PLEKHG5: variants seen among roughly 807,000 people sequenced by gnomAD.
PLEKHG5 encodes the protein pleckstrin homology and RhoGEF domain containing G5, also known as pleckstrin homology domain-containing family G member 5.
A neutral mutation model predicts 103.8 loss-of-function variants in PLEKHG5; 52 were observed. The ratio of observed to expected loss-of-function variants is 0.50; its 90% CI spans 0.40 to 0.63. PLEKHG5 has a LOEUF of 0.63. Among genes scored for constraint, PLEKHG5 ranks in the 30% least tolerant of loss-of-function variants. The probability of loss-of-function intolerance (pLI) is 0.00; values close to 1 mark genes in which losing one functional copy is unlikely to be tolerated. For missense variants in PLEKHG5, 1,205 were observed against 1,347.6 expected (o/e 0.89, Z 1.66); for synonymous variants, 592 against 575.5 (o/e 1.03, Z -0.41).
chr1:6,491,676 C>T (rs1645153264), upstream of PLEKHG5: 1 of 985,570 alleles, frequency 1.0e-6, no homozygotes, highest in Non-Finnish European at 1.2e-6. This position sits in a 1 kb window ranked among gnomAD's most constrained non-coding sequence, Gnocchi z 4.1. Context: ...TCAGGTCCAC[C>T]CTTTCCTCTC....
At chr1:6,483,963 C>A (rs1317310244) in intron 1 of PLEKHG5, among the ~76,000 whole-genome samples, 1 of 152,224 alleles carries the variant, frequency 6.6e-6, no homozygotes, top group Admixed American at 6.5e-5. Context: ...CCTGAGATTT[C>A]CTAGTGCCAG....
At chr1:6,514,593 T>C (rs1328978067) in intron 1 of PLEKHG5, among the ~76,000 whole-genome samples, 1 of 150,268 alleles carries the variant, frequency 6.7e-6, no homozygotes, top group Non-Finnish European at 1.5e-5. Context: ...AAACCTTGTC[T>C]CTACTAAAAA....
intron 1 of PLEKHG5, among the ~76,000 whole-genome samples, chr1:6,514,697 G>A (rs1638567422): frequency 6.6e-6 from 1 of 151,532 alleles, no homozygotes; most frequent in Non-Finnish European, 1.5e-5. Context: ...GGAGGCGGAG[G>A]TTGCAGCGAG....
At chr1:6,475,202 CCCCACCCTCCTT>C (rs1215491480) in intron 4 of PLEKHG5, 64 bp from the exon 5 acceptor site, 52 of 707,556 alleles carry the variant, frequency 7.3e-5, no homozygotes, top group East Asian at 2.3e-4. Context: ...CCGCCCTCCT[CCCCACCCTCCTT>C]CCCACCCTCC....
intron 1 of PLEKHG5, among the ~76,000 whole-genome samples, chr1:6,513,153 T>C (rs965431212): frequency 6.6e-6 from 1 of 152,220 alleles, no homozygotes; most frequent in Non-Finnish European, 1.5e-5. Context: ...CCTTAGAATC[T>C]AGACTCTATC....
rs1298912126 is a variant in PLEKHG5, at chr1:6,473,064, C to T, written c.906G>A (p.Glu302=). The T allele has an allele frequency of 1.2e-6, 2 of 1,613,804 alleles. No homozygotes were observed. Among genetic ancestry groups the T allele is most frequent in the African/African-American group, 1.3e-5 (1 of 74,940 alleles). The change falls in exon 9 of 21, where the codon GAG becomes GAA. Residue 302 remains glutamate (E), a synonymous_variant. Transcript: ENST00000377728. ...TGTCCTCATCCTCGTCTTCATCGTA[C>T]TCCTCCTCCCAGGAGTCATGGTCGA... The part of the protein sequence containing the change: ...LRFDHDSWEE[E]YDEDEDEDNA...
upstream of PLEKHG5, among the ~76,000 whole-genome samples, chr1:6,500,850 G>A (rs147922772): frequency 1.2e-3 from 188 of 152,274 alleles, no homozygotes; most frequent in South Asian, 1.7e-3. Context: ...AGGGAGACCA[G>A]GGCCCTTGGC....
At chr1:6,471,362 G>GCTT (rs1644579467) in intron 12 of PLEKHG5, 126 bp downstream of exon 12, 1 of 1,123,520 alleles carries the variant, frequency 8.9e-7, no homozygotes, top group Non-Finnish European at 1.3e-6. Flanking sequence ...TGGCCACAAG[G>GCTT]GGTCAAGTGC....
At chr1:6,489,194 C>A (rs977629750) in intron 1 of PLEKHG5, among the ~76,000 whole-genome samples, 1 of 152,156 alleles carries the variant, frequency 6.6e-6, no homozygotes, top group Non-Finnish European at 1.5e-5. Flanking sequence ...AAGGCCCCAC[C>A]CAACACCTTA....
intron 1 of PLEKHG5, among the ~76,000 whole-genome samples, chr1:6,503,574 A>AT (rs1645319545): frequency 6.6e-6 from 1 of 151,888 alleles, no homozygotes; most frequent in Admixed American, 6.5e-5. Flanking sequence ...TGCCTGGCTA[A>AT]TTTTTTGTAT....
rs1194608507 is a variant in PLEKHG5, at chr1:6,505,036, C to A, written c.-164-8467G>T. 6.6e-6 allele frequency among the ~76,000 whole-genome samples: 1 copy of A among 152,144 alleles called. No homozygotes were observed. Among genetic ancestry groups the A allele is most frequent in the Admixed American group, 6.5e-5 (1 of 15,278 alleles). ...GACTCATCCAGGACAGGCTCCTGCT[C>A]CCTGGGCTTGTGGCCTGGGGGAGGC... On this transcript the variant is annotated intron_variant, in intron 1 of 21. Coordinates refer to the PLEKHG5 transcript ENST00000377740. This position sits in a 1 kb window ranked among gnomAD's most constrained non-coding sequence, Gnocchi z 4.2.
Position 6,473,961 on chromosome 1 carries a change from C to T in PLEKHG5, c.591+52G>A, listed in dbSNP as rs58549010. ...CTGCCTCTGAGGAGGGGCTGTGGGC[C>T]CAGCCTGGGCCCCTTCCCACCCCCT... is the stretch of plus-strand genomic sequence containing the variant. On this transcript the variant is annotated intron_variant, in intron 7 of 20. Transcript: ENST00000377728. 0.013 allele frequency: 19,612 copies of T among 1,493,570 alleles called. 1,389 individuals carry two copies. The African/African-American group carries it at 0.18, about 14-fold the overall frequency. The allele number at this position is 1,493,570 out of a possible 1,614,324, so 92.5% of individuals were successfully genotyped here.
chr1:6,496,711 T>G, upstream of PLEKHG5: 1 of 596,476 alleles, frequency 1.7e-6, no homozygotes, highest in Non-Finnish European at 2.8e-6. Flanking sequence ...CTCTTTTAAA[T>G]GCCAACTTAT....
rs534044053 is a variant in PLEKHG5 at position 6,519,475 on chromosome 1, G to A, written c.-195C>T. On this transcript the variant is annotated 5_prime_UTR_variant, in exon 1 of 22. Transcript: ENST00000377740. ...CCTGAACAAAGGCTGAGCCAGCTTC[G>A]AGGTGGAGACCCATGTTTTGTCAGG... 3.5e-5 allele frequency: 57 copies of A among 1,613,862 alleles called. No homozygotes were observed. In the South Asian group the frequency reaches 3.8e-4, roughly 11 times the overall value.
chr1:6,477,852 A>G (rs947063051), intron 1 of PLEKHG5, among the ~76,000 whole-genome samples, 194 bp from the exon 2 acceptor site: 7 of 146,446 alleles, frequency 4.8e-5, no homozygotes, highest in Non-Finnish European at 7.5e-5. Flanking sequence ...CCACTGCCAC[A>G]CCAACACGTG....
upstream of PLEKHG5, among the ~76,000 whole-genome samples, chr1:6,501,115 G>A (rs1320359484): frequency 6.6e-6 from 1 of 152,158 alleles, no homozygotes; most frequent in African/African-American, 2.4e-5. The surrounding 1 kb of genome is among the most constrained non-coding windows in gnomAD (Gnocchi z 4.3). Context: ...GAGGAGCCCG[G>A]CAGCTCTGGA....
At chr1:6,515,675 TA>T (rs367899680) in intron 1 of PLEKHG5, among the ~76,000 whole-genome samples, 5,033 of 143,600 alleles carry the variant, frequency 0.035, 269 homozygotes, top group African/African-American at 0.11. Flanking sequence ...AAAATTAAAT[TA>T]AAAAAAAAAA....
rs1219393242 is a variant in PLEKHG5, at chr1:6,507,834, C to A, written c.-164-11265G>T. On this transcript the variant is annotated intron_variant, in intron 1 of 21. Coordinates refer to the PLEKHG5 transcript ENST00000377740. ...TTGGCCTTCATCACTGGCACCCACA[C>A]GACCTGGGCCTGAGCCCACAGGAGC... Among the ~76,000 whole-genome samples the A allele has an allele frequency of 9.2e-5, 14 of 152,234 alleles. No homozygotes were observed. In the East Asian group the frequency reaches 2.7e-3, roughly 29 times the overall value.
upstream of PLEKHG5, among the ~76,000 whole-genome samples, chr1:6,495,085 T>C (rs901781305): frequency 6.6e-6 from 1 of 152,200 alleles, no homozygotes; most frequent in African/African-American, 2.4e-5. Flanking sequence ...GCTGGGACAG[T>C]GTGCCTTATT....
Sources: gnomAD v4.1 joint callset for allele counts (sites outside exome capture counted in the v4.1 genomes callset) on GRCh38, gnomAD v4.1.1 for gene constraint, Gnocchi (gnomAD v3.1) non-coding constraint, MANE v1.5 for transcripts, NCBI Gene and HGNC (gene_info 2026-07-23, HGNC 2026-07-21) for gene names.